CNGA4: variants seen among roughly 807,000 people sequenced by gnomAD.
CNGA4 encodes cyclic nucleotide gated channel subunit alpha 4, also known as cyclic nucleotide-gated channel alpha-4.
Under a neutral mutation model 45.6 loss-of-function variants are expected in CNGA4, and 32 were observed. That is an observed-to-expected ratio of 0.70 (90% CI 0.53 to 0.94). The LOEUF (loss-of-function observed/expected upper bound fraction) is 0.94. Ranked by LOEUF, CNGA4 falls within the 40% of genes least tolerant of loss-of-function variation. The pLI is 0.00. For synonymous variants in CNGA4, 293 were observed against 304.6 expected (o/e 0.96, Z 0.40); for missense variants, 726 against 755.1 (o/e 0.96, Z 0.45).
Position 6,244,142 on chromosome 11 carries a change from C to T in CNGA4, c.1461C>T (p.Ile487=), listed in dbSNP as rs376820772. The change falls in exon 6 of 6, where the codon ATC becomes ATT. Residue 487 remains isoleucine (I), a synonymous_variant. Transcript: ENST00000379936. This position sits in a 1 kb window ranked among gnomAD's most constrained non-coding sequence, Gnocchi z 4.5. ...KLDVNAEAAE[I]ALQEATESRL... ...ACGTGAATGCTGAGGCAGCTGAGAT[C>T]GCCCTGCAGGAGGCCACAGAGTCCC... is the stretch of plus-strand genomic sequence containing the variant. 19 of 1,614,078 alleles carry T rather than the reference C, an allele frequency of 1.2e-5. No homozygotes were observed. In the South Asian group the frequency reaches 1.3e-4, roughly 11 times the overall value.
chr11:6,241,051 G>A (rs1278031992), intron 4 of CNGA4, among the ~76,000 whole-genome samples: 2 of 152,200 alleles, frequency 1.3e-5, no homozygotes, highest in East Asian at 3.9e-4. Flanking sequence ...AGAATGGTCA[G>A]CAACAAGATC....
chr11:6,241,783 G>C lies in CNGA4; in HGVS notation c.1267+3G>C, dbSNP rs1341156789. On this transcript the variant is annotated splice_donor_region_variant and intron_variant, in intron 5 of 5. Coordinates refer to ENST00000379936, the MANE Select transcript of CNGA4 (RefSeq NM_001037329.4). ...GATCAGCATCATCAACATCAAAGGT[G>C]GGTATCCCAGTATTTGTTCCAGGGA... is the stretch of plus-strand genomic sequence containing the variant. 1.9e-6 allele frequency: 3 copies of C among 1,613,254 alleles called. No individual in the cohort carries two copies. The highest frequency in any genetic ancestry group is 2.5e-6 in the Non-Finnish European group (3 of 1,179,332).
chr11:6,237,901 A>C (rs1309960331), upstream of CNGA4, among the ~76,000 whole-genome samples: 7 of 152,316 alleles, frequency 4.6e-5, no homozygotes, highest in South Asian at 1.5e-3. Context: ...TGGCTGACAG[A>C]ACTCCTCCTG....
chr11:6,239,388 T>A lies in CNGA4; in HGVS notation c.67T>A (p.Leu23Met). ...GCAAGACTTTCTTTCTTACAGGAAGTTGCTGCCTGTCCTGGACCCATCTGG... is the reference window on the plus strand; with the variant it reads ...GCAAGACTTTCTTTCTTACAGGAAGATGCTGCCTGTCCTGGACCCATCTGG... ...SPPAPSKARK[L>M]LPVLDPSGDY... Residue 23 changes from leucine to methionine, a missense_variant, in exon 2 of 6, where the codon TTG (leucine) becomes ATG (methionine). By Grantham distance (15) the Leu-to-Met change is conservative. Coordinates refer to ENST00000379936, the MANE Select transcript of CNGA4 (RefSeq NM_001037329.4). 5.6e-6 allele frequency: 9 copies of A among 1,614,114 alleles called. No homozygotes were observed. Among genetic ancestry groups the A allele is most frequent in the Non-Finnish European group, 7.6e-6 (9 of 1,179,920 alleles).
upstream of CNGA4, among the ~76,000 whole-genome samples, chr11:6,237,262 T>C (rs1450744703): frequency 6.6e-6 from 1 of 152,114 alleles, no homozygotes; most frequent in African/African-American, 2.4e-5. Flanking sequence ...CATTATACAG[T>C]AAATAGTAAT....
At chr11:6,239,303 C>G in intron 1 of CNGA4, 35 bp downstream of exon 1, 1 of 1,613,116 alleles carries the variant, frequency 6.2e-7, no homozygotes, top group Non-Finnish European at 8.5e-7. Flanking sequence ...GGGATCTCTC[C>G]TCATTCCTCT....
chr11:6,239,292 T>C (rs1019912111), intron 1 of CNGA4, 24 bp downstream of exon 1: 4 of 1,613,450 alleles, frequency 2.5e-6, no homozygotes, highest in Admixed American at 1.7e-5. Flanking sequence ...GTCCCTTGTG[T>C]GGGATCTCTC....
At chr11:6,243,858 A>G (rs1847950428) in intron 5 of CNGA4, 91 bp from the exon 6 acceptor site, 2 of 1,177,700 alleles carry the variant, frequency 1.7e-6, no homozygotes, top group Non-Finnish European at 2.4e-6. Context: ...CAGAAGCACA[A>G]ATATGGAGGT....
chr11:6,244,202 A>T lies in CNGA4; in HGVS notation c.1521A>T (p.Leu507=), dbSNP rs977791058. 6.2e-7 allele frequency: 1 copy of T among 1,614,244 alleles called. No homozygotes were observed. The highest frequency in any genetic ancestry group is 8.5e-7 in the Non-Finnish European group (1 of 1,180,044). The change falls in exon 6 of 6, where the codon CTA becomes CTT. Residue 507 remains leucine, a synonymous_variant. Transcript: ENST00000379936. This position sits in a 1 kb window ranked among gnomAD's most constrained non-coding sequence, Gnocchi z 4.5. The part of the protein sequence containing the change: ...LRGLDQQLDD[L]QTKFARLLAE... ...GCCTAGACCAGCAGCTGGATGATCT[A>T]CAGACCAAGTTTGCTCGCCTCCTGG...
rs777236871 is a variant in CNGA4 at position 6,240,338 on chromosome 11, T to TG, written c.546dup (p.Asn183GlufsTer17). ...GCTTTACATTTTTGTCGTCATCCAT[T>TG]GGAACAGCTGCCTATACTTTGCCCT... On this transcript the variant is annotated frameshift_variant, in exon 4 of 6. Transcript: ENST00000379936. LOFTEE classifies it high-confidence loss of function. The surrounding 1 kb of genome is among the most constrained non-coding windows in gnomAD (Gnocchi z 4.9). The TG allele has an allele frequency of 1.6e-5, 26 of 1,614,090 alleles. No individual in the cohort carries two copies. Among genetic ancestry groups the TG allele is most frequent in the Non-Finnish European group, 2.1e-5 (25 of 1,180,040 alleles).
rs1341156789 is a variant in CNGA4, at chr11:6,241,783, G to A, written c.1267+3G>A. On this transcript the variant is annotated splice_donor_region_variant and intron_variant, in intron 5 of 5. Transcript: ENST00000379936. ...GATCAGCATCATCAACATCAAAGGTGGGTATCCCAGTATTTGTTCCAGGGA... is the reference window on the plus strand; with the variant it reads ...GATCAGCATCATCAACATCAAAGGTAGGTATCCCAGTATTTGTTCCAGGGA... 6.2e-7 allele frequency: 1 copy of A among 1,613,254 alleles called. No homozygotes were observed. The highest frequency in any genetic ancestry group is 1.3e-5 in the African/African-American group (1 of 74,906).
At chr11:6,235,587 C>G, upstream of CNGA4, 1 of 955,734 alleles carries the variant, frequency 1.0e-6, no homozygotes, top group Non-Finnish European at 1.2e-6. Context: ...GGGAAACAAG[C>G]AAGAGTAAGA....
At position 6,244,410 on chromosome 11, in the gene CNGA4, C is replaced by T. The variant is rs760107657; in HGVS notation, c.*1C>T. 2.9e-5 allele frequency: 47 copies of T among 1,598,818 alleles called. 1 individual carries two copies. Among genetic ancestry groups the T allele is most frequent in the Middle Eastern group, 1.7e-4 (1 of 5,822 alleles). On this transcript the variant is annotated 3_prime_UTR_variant, in exon 6 of 6. Coordinates refer to ENST00000379936, the MANE Select transcript of CNGA4 (RefSeq NM_001037329.4). The surrounding 1 kb of genome is among the most constrained non-coding windows in gnomAD (Gnocchi z 4.5). ...GGAGGGACCCCCAGGTCCAGAGTGA[C>T]CCCATCCCCATCCCCAGGATTCCCA...
At chr11:6,244,495 T>C, downstream of CNGA4, 1 of 1,308,532 alleles carries the variant, frequency 7.6e-7, no homozygotes, top group Non-Finnish European at 1.0e-6. The surrounding 1 kb of genome is among the most constrained non-coding windows in gnomAD (Gnocchi z 4.5). Flanking sequence ...TCATCCTGTC[T>C]GCGAGATCAC....
intron 4 of CNGA4, among the ~76,000 whole-genome samples, chr11:6,241,035 C>G (rs1847911039): frequency 6.6e-6 from 1 of 152,106 alleles, no homozygotes; most frequent in Admixed American, 6.5e-5. Flanking sequence ...AGGGCAATCC[C>G]CCCTGAGAAT....
Position 6,239,099 on chromosome 11 carries a change from C to A in CNGA4, c.-108C>A. On this transcript the variant is annotated 5_prime_UTR_variant, in exon 1 of 6. Transcript: ENST00000379936. ...AGACAAAGAAGTCACAGCAGAAGCC[C>A]AACAGCAGCCTCCTTCAGGCAGTCA... 6.3e-7 allele frequency: 1 copy of A among 1,590,008 alleles called. No individual in the cohort carries two copies. Among genetic ancestry groups the A allele is most frequent in the Non-Finnish European group, 8.5e-7 (1 of 1,169,630 alleles).
At position 6,240,609 on chromosome 11, in the gene CNGA4, TG is replaced by T; in HGVS notation, c.816del (p.Met272IlefsTer15). 1 of 1,614,210 alleles carries T rather than the reference TG, an allele frequency of 6.2e-7. No individual in the cohort carries two copies. The highest frequency in any genetic ancestry group is 8.5e-7 in the Non-Finnish European group (1 of 1,180,034). ...MGSMSSVIYN[M>X]NTADAAFYPD... is the part of the protein sequence containing the mutation. ...AGCATGAGCTCTGTCATCTACAACA[TG>T]AACACTGCAGATGCGGCTTTCTACC... On this transcript the variant is annotated frameshift_variant, in exon 4 of 6. Coordinates refer to ENST00000379936, the MANE Select transcript of CNGA4 (RefSeq NM_001037329.4). LOFTEE classifies it high-confidence loss of function. The surrounding 1 kb of genome is among the most constrained non-coding windows in gnomAD (Gnocchi z 4.9).
Position 6,240,397 on chromosome 11 carries a change from G to A in CNGA4, c.603G>A (p.Trp201Ter). 2 of 1,614,238 alleles carry A rather than the reference G, an allele frequency of 1.2e-6. No individual in the cohort carries two copies. Among genetic ancestry groups the A allele is most frequent in the Non-Finnish European group, 8.5e-7 (1 of 1,180,048 alleles). The change falls in exon 4 of 6, where the codon TGG (tryptophan) becomes TGA (stop). Residue 201 changes from tryptophan (W) to a stop codon, truncating the protein, a stop_gained. Transcript: ENST00000379936. LOFTEE classifies it high-confidence loss of function. This position sits in a 1 kb window ranked among gnomAD's most constrained non-coding sequence, Gnocchi z 4.9. ...ACCTGGGCTTCGGGCGTGACGCATG[G>A]GTGTACCCGGACCCCGCGCAGCCTG... The part of the protein sequence containing the change: ...SRYLGFGRDA[W>*]VYPDPAQPGF...
chr11:6,239,648 G>A, intron 2 of CNGA4, 36 bp from the exon 3 acceptor site: 2 of 1,604,130 alleles, frequency 1.2e-6, no homozygotes, highest in South Asian at 2.2e-5. Context: ...CACAGAGGGT[G>A]CCCTTAATTC....
Sources: gnomAD v4.1 joint callset for allele counts (sites outside exome capture counted in the v4.1 genomes callset) on GRCh38, gnomAD v4.1.1 for gene constraint, Gnocchi (gnomAD v3.1) non-coding constraint, MANE v1.5 for transcripts, NCBI Gene and HGNC (gene_info 2026-07-23, HGNC 2026-07-21) for gene names.